RFTN1: variants seen among roughly 807,000 people sequenced by gnomAD.
The protein encoded by RFTN1 is raftlin.
A neutral mutation model predicts 46.5 loss-of-function variants in RFTN1; 26 were observed. The observed-to-expected ratio is 0.56, with a 90% CI of 0.41 to 0.78. RFTN1 has a LOEUF of 0.78. Among genes scored for constraint, RFTN1 ranks in the 30% least tolerant of loss-of-function variants. The probability of loss-of-function intolerance (pLI) is 0.00; values close to 1 mark genes in which losing one functional copy is unlikely to be tolerated. For synonymous variants in RFTN1, 261 were observed against 284.2 expected (o/e 0.92, Z 0.82); for missense variants, 693 against 718.7 (o/e 0.96, Z 0.41).
intron 3 of RFTN1, among the ~76,000 whole-genome samples, chr3:16,430,260 G>A (rs1206237167): frequency 6.6e-6 from 1 of 152,002 alleles, no homozygotes. Context: ...ACAGGCGTGC[G>A]CCACTACACC....
rs183983626 is a variant in RFTN1, at chr3:16,348,374, T to C, written c.1146+9558A>G. On this transcript the variant is annotated intron_variant, in intron 7 of 9. Transcript: ENST00000334133. This position sits in a 1 kb window ranked among gnomAD's most constrained non-coding sequence, Gnocchi z 6.3. Reference sequence around the variant, plus strand: ...ATGTGTTCTAATTATAAAAAAAAATTAATAGATGTGCCTTCTCTTCCAGCT... The same window carrying C: ...ATGTGTTCTAATTATAAAAAAAAATCAATAGATGTGCCTTCTCTTCCAGCT... 1.3e-5 allele frequency among the ~76,000 whole-genome samples: 2 copies of C among 152,186 alleles called. No homozygotes were observed. Among genetic ancestry groups the C allele is most frequent in the East Asian group, 3.9e-4 (2 of 5,176 alleles).
Position 16,465,419 on chromosome 3 carries a change from G to GACACACACACACACAC in RFTN1, c.145+28290_145+28305dup, listed in dbSNP as rs10560544. On this transcript the variant is annotated intron_variant, in intron 2 of 9. Coordinates refer to ENST00000334133, the MANE Select transcript of RFTN1 (RefSeq NM_015150.2). This position sits in a 1 kb window ranked among gnomAD's most constrained non-coding sequence, Gnocchi z 5.1. ...CCAACAGAGGTTGGCAGCTCAGAGGGACACACACACACACACACACACACA... is the reference window on the plus strand; with the variant it reads ...CCAACAGAGGTTGGCAGCTCAGAGGGACACACACACACACACACACACACACACACACACACACACA... Among the ~76,000 whole-genome samples the GACACACACACACACAC allele has an allele frequency of 1.5e-4, 22 of 143,294 alleles. No homozygotes were observed. The highest frequency in any genetic ancestry group is 1.2e-4 in the Non-Finnish European group (8 of 64,834). The allele number at this position is 143,294 out of a possible 152,430, so 94.0% of individuals were successfully genotyped here. A position where few individuals can be genotyped will look rare whatever the true frequency, so the allele number is the denominator to read the frequency against.
At chr3:16,439,644 G>A (rs990168242) in intron 2 of RFTN1, among the ~76,000 whole-genome samples, 3 of 152,204 alleles carry the variant, frequency 2.0e-5, no homozygotes, top group Non-Finnish European at 2.9e-5. Context: ...ACCAGAGCTA[G>A]AATTGGAAGA....
rs1450147647 is a variant in RFTN1, at chr3:16,498,256, T to C, written c.-8-4379A>G. 6.6e-6 allele frequency among the ~76,000 whole-genome samples: 1 copy of C among 152,224 alleles called. No individual in the cohort carries two copies. The highest frequency in any genetic ancestry group is 1.5e-5 in the Non-Finnish European group (1 of 68,040). ...TAAAAGCCTAACTTAGGATGTAAAC[T>C]TCTGTAACAAATAGCTGAGTCTTAG... On this transcript the variant is annotated intron_variant, in intron 1 of 9. Coordinates refer to ENST00000334133, the MANE Select transcript of RFTN1 (RefSeq NM_015150.2). This position sits in a 1 kb window ranked among gnomAD's most constrained non-coding sequence, Gnocchi z 5.2.
rs2076077066 is a variant in RFTN1, at chr3:16,465,598, G to A, written c.145+28127C>T. On this transcript the variant is annotated intron_variant, in intron 2 of 9. Transcript: ENST00000334133. The surrounding 1 kb of genome is among the most constrained non-coding windows in gnomAD (Gnocchi z 5.1). ...CATGGTAATTTGCTTCTTTTTAATA[G>A]TTTGTACAATCTGATGAGTGGTGCA... 6.6e-6 allele frequency among the ~76,000 whole-genome samples: 1 copy of A among 152,144 alleles called. No individual in the cohort carries two copies. Among genetic ancestry groups the A allele is most frequent in the Admixed American group, 6.5e-5 (1 of 15,272 alleles).
At chr3:16,408,753 G>A (rs1457254732) in intron 4 of RFTN1, among the ~76,000 whole-genome samples, 1 of 147,112 alleles carries the variant, frequency 6.8e-6, no homozygotes, top group Non-Finnish European at 1.5e-5. Flanking sequence ...CCTGTATGGG[G>A]TGGGGGAATT....
intron 1 of RFTN1, among the ~76,000 whole-genome samples, chr3:16,501,510 A>C (rs2076709906): frequency 6.6e-6 from 1 of 152,220 alleles, no homozygotes; most frequent in Admixed American, 6.5e-5. Flanking sequence ...CTCATTTGCC[A>C]CACTTGCTGC....
At chr3:16,414,974 G>C (rs1424195976) in intron 3 of RFTN1, among the ~76,000 whole-genome samples, 1 of 152,178 alleles carries the variant, frequency 6.6e-6, no homozygotes, top group East Asian at 1.9e-4. Context: ...CAGAATGACA[G>C]AGGAAGTCCG....
intron 9 of RFTN1, among the ~76,000 whole-genome samples, chr3:16,323,139 C>G (rs1173128960): frequency 6.6e-6 from 1 of 152,184 alleles, no homozygotes; most frequent in Non-Finnish European, 1.5e-5. Flanking sequence ...AAGAGCCTCT[C>G]TCCTCCATCC....
At chr3:16,396,924 G>C (rs987873374) in intron 4 of RFTN1, among the ~76,000 whole-genome samples, 1 of 152,014 alleles carries the variant, frequency 6.6e-6, no homozygotes, top group Admixed American at 6.6e-5. Context: ...TTAGCTGGGC[G>C]TGGTGGCAGG....
At chr3:16,416,204 G>A (rs759464840) in intron 3 of RFTN1, 9 of 456,488 alleles carry the variant, frequency 2.0e-5, no homozygotes, top group South Asian at 1.4e-4. Context: ...TGGCAGAGAT[G>A]TGATTTCCTG....
intron 7 of RFTN1, among the ~76,000 whole-genome samples, chr3:16,355,179 A>G (rs1369779838): frequency 6.6e-6 from 1 of 152,182 alleles, no homozygotes; most frequent in Non-Finnish European, 1.5e-5. Flanking sequence ...TCTAGCCTGT[A>G]TGTCCAAACT....
Position 16,426,350 on chromosome 3 carries a change from T to C in RFTN1, c.332+7501A>G, listed in dbSNP as rs895446071. 3.3e-5 allele frequency among the ~76,000 whole-genome samples: 5 copies of C among 152,198 alleles called. No homozygotes were observed. Among genetic ancestry groups the C allele is most frequent in the Non-Finnish European group, 7.3e-5 (5 of 68,040 alleles). On this transcript the variant is annotated intron_variant, in intron 3 of 9. Coordinates refer to ENST00000334133, the MANE Select transcript of RFTN1 (RefSeq NM_015150.2). This position sits in a 1 kb window ranked among gnomAD's most constrained non-coding sequence, Gnocchi z 5.9. Reference sequence around the variant, plus strand: ...CAAGGTAATTGGTAAAAATTAGACATGAAAAGACACAAGGCCACTTAAAGA... The same window carrying C: ...CAAGGTAATTGGTAAAAATTAGACACGAAAAGACACAAGGCCACTTAAAGA...
At chr3:16,508,181 C>A (rs538975446) in intron 1 of RFTN1, among the ~76,000 whole-genome samples, 2 of 152,346 alleles carry the variant, frequency 1.3e-5, no homozygotes, top group South Asian at 4.1e-4. Context: ...TTCTGAAGTA[C>A]TGTACACCCC....
rs761791141 is a variant in RFTN1, at chr3:16,370,154, A to C, written c.952T>G (p.Trp318Gly). 1.2e-6 allele frequency: 2 copies of C among 1,614,230 alleles called. No individual in the cohort carries two copies. Among genetic ancestry groups the C allele is most frequent in the Non-Finnish European group, 1.7e-6 (2 of 1,180,046 alleles). Residue 318 changes from tryptophan to glycine, a missense_variant, in exon 6 of 10, where the codon TGG becomes GGG. Trp to Gly is a radical substitution (Grantham distance 184, BLOSUM62 -2). Coordinates refer to ENST00000334133, the MANE Select transcript of RFTN1 (RefSeq NM_015150.2). The surrounding 1 kb of genome is among the most constrained non-coding windows in gnomAD (Gnocchi z 5.5). ...AAGTGGTCGCTCATGTGCTCTAACC[A>C]GTTGGCGTCCAAACCGCTCACTGTC... ...GQTVSGLDANWLEHMSDHFRK... is the reference protein window; with the variant it reads ...GQTVSGLDANGLEHMSDHFRK...
rs2076804451 is a variant in RFTN1 at position 16,506,280 on chromosome 3, C to G, written c.-9+7162G>C. Among the ~76,000 whole-genome samples, 1 of 152,092 alleles carries G rather than the reference C, an allele frequency of 6.6e-6. No homozygotes were observed. Among genetic ancestry groups the G allele is most frequent in the Middle Eastern group, 3.4e-3 (1 of 294 alleles). On this transcript the variant is annotated intron_variant, in intron 1 of 9. Transcript: ENST00000334133. The surrounding 1 kb of genome is among the most constrained non-coding windows in gnomAD (Gnocchi z 4.8). ...GGTGCAAACAAGCTGGGGTGTGGGG[C>G]CCCTGGGAGGCTGAGCAGACCTCAG...
intron 4 of RFTN1, among the ~76,000 whole-genome samples, chr3:16,396,596 A>G (rs1430691487): frequency 1.3e-5 from 2 of 152,194 alleles, no homozygotes; most frequent in Non-Finnish European, 2.9e-5. Flanking sequence ...GCTCTGCTCC[A>G]AATCTTTCCC....
chr3:16,357,591 C>T (rs778113227), intron 7 of RFTN1, among the ~76,000 whole-genome samples: 7 of 151,998 alleles, frequency 4.6e-5, no homozygotes, highest in Non-Finnish European at 1.0e-4. Flanking sequence ...ATTGATGCTG[C>T]TCTGAGTATT....
chr3:16,441,488 G>A (rs527314922), intron 2 of RFTN1, among the ~76,000 whole-genome samples: 191 of 152,234 alleles, frequency 1.3e-3, no homozygotes, highest in African/African-American at 4.5e-3. Context: ...TCAGACATTT[G>A]CAAAGGGCCA....
Sources: gnomAD v4.1 joint callset for allele counts (sites outside exome capture counted in the v4.1 genomes callset) on GRCh38, gnomAD v4.1.1 for gene constraint, Gnocchi (gnomAD v3.1) non-coding constraint, MANE v1.5 for transcripts, NCBI Gene and HGNC (gene_info 2026-07-23, HGNC 2026-07-21) for gene names.